The following OCA2 variants were observed in gnomAD, a reference collection of about 807,000 sequenced individuals.
The protein encoded by OCA2 is OCA2 melanosomal transmembrane protein.
OCA2 carries 77 observed loss-of-function variants against 100.2 expected under a neutral mutation model. The observed-to-expected ratio is 0.77, with a 90% confidence interval of 0.64 to 0.93. The LOEUF (loss-of-function observed/expected upper bound fraction) is 0.93. OCA2 is among the 40% of genes least tolerant of loss of function. OCA2 has a pLI of 0.00. For synonymous variants in OCA2, 432 were observed against 439.2 expected, an observed-to-expected ratio of 0.98 and a Z score of 0.21; for missense variants, 1,062 against 1,089.1, an observed-to-expected ratio of 0.98 and a Z score of 0.35.
chr15:27,965,627 C>G (rs2069555588), intron 15 of OCA2, among the ~76,000 whole-genome samples: 1 of 152,108 alleles, frequency 6.6e-6, no homozygotes, highest in South Asian at 2.1e-4. Context: ...AAACTGAGAT[C>G]CTGTAAAACA....
the OCA2 span, among the ~76,000 whole-genome samples, chr15:27,742,757 C>T: frequency 6.6e-6 from 1 of 152,114 alleles, no homozygotes; most frequent in African/African-American, 2.4e-5. Flanking sequence ...TGATAGAATC[C>T]GAAATGATGC....
intron 23 of OCA2, among the ~76,000 whole-genome samples, chr15:27,768,387 C>A (rs2031447450): frequency 6.6e-6 from 1 of 152,178 alleles, no homozygotes; most frequent in Admixed American, 6.5e-5. Context: ...CCTCTCCTGC[C>A]CCCACACCCA....
chr15:27,956,908 G>A (rs554680249), intron 16 of OCA2, among the ~76,000 whole-genome samples: 8 of 152,190 alleles, frequency 5.3e-5, no homozygotes, highest in African/African-American at 1.9e-4. Context: ...TCTAGATTTT[G>A]TTCATAAGGG....
chr15:27,845,663 C>A (rs1186187472), intron 22 of OCA2, among the ~76,000 whole-genome samples: 5 of 152,252 alleles, frequency 3.3e-5, no homozygotes, highest in East Asian at 3.9e-4. Context: ...CAACCCCCCA[C>A]ACACACTCAC....
At chr15:27,902,315 G>C (rs1280292323) in intron 19 of OCA2, among the ~76,000 whole-genome samples, 4 of 151,740 alleles carry the variant, frequency 2.6e-5, no homozygotes, top group African/African-American at 9.7e-5. Flanking sequence ...CCTAACTTTG[G>C]GAACACTAAG....
intron 2 of OCA2, among the ~76,000 whole-genome samples, chr15:28,057,726 C>T (rs2043745548): frequency 6.6e-6 from 1 of 152,252 alleles, no homozygotes; most frequent in Non-Finnish European, 1.5e-5. Flanking sequence ...ACAGCAAAGC[C>T]TCCTGGGCAC....
At chr15:27,793,719 G>T (rs1290956189) in intron 23 of OCA2, among the ~76,000 whole-genome samples, 1 of 152,212 alleles carries the variant, frequency 6.6e-6, no homozygotes, top group African/African-American at 2.4e-5. Context: ...GAGATAACAG[G>T]GTCTCTAGGA....
At chr15:28,092,246 G>T (rs1276534133) in intron 1 of OCA2, among the ~76,000 whole-genome samples, 1 of 152,148 alleles carries the variant, frequency 6.6e-6, no homozygotes, top group East Asian at 1.9e-4. Context: ...GGAGGGAAAT[G>T]AAGAACAAAT....
intron 18 of OCA2, among the ~76,000 whole-genome samples, chr15:27,932,997 G>A (rs2039310919): frequency 2.0e-5 from 3 of 151,982 alleles, no homozygotes; most frequent in Admixed American, 2.0e-4. Flanking sequence ...ACAGGCTAAT[G>A]GAATAGAATA....
chr15:27,790,787 AT>A (rs35991529), intron 23 of OCA2, among the ~76,000 whole-genome samples: 3,323 of 141,080 alleles, frequency 0.024, 68 homozygotes, highest in African/African-American at 0.056. Context: ...ATTACCCTGA[AT>A]TTTTTTTTTT....
At chr15:28,070,311 G>T (rs1263166796) in intron 2 of OCA2, among the ~76,000 whole-genome samples, 3 of 127,156 alleles carry the variant, frequency 2.4e-5, no homozygotes, top group Non-Finnish European at 4.9e-5. Flanking sequence ...GGAGGGAGGT[G>T]GGGGGGGGTC....
chr15:27,890,286 C>T (rs2037401759), intron 19 of OCA2, among the ~76,000 whole-genome samples: 1 of 152,104 alleles, frequency 6.6e-6, no homozygotes, highest in Non-Finnish European at 1.5e-5. Flanking sequence ...TAGAAAAGTA[C>T]AGTAAGGAAT....
At chr15:27,724,663 C>G in the OCA2 span, among the ~76,000 whole-genome samples, 7 of 152,164 alleles carry the variant, frequency 4.6e-5, no homozygotes, top group African/African-American at 1.7e-4. Context: ...CTAGAAACCT[C>G]CATCAGAGTC....
At chr15:28,082,240 C>A (rs1388530013) in intron 1 of OCA2, among the ~76,000 whole-genome samples, 1 of 152,132 alleles carries the variant, frequency 6.6e-6, no homozygotes, top group Non-Finnish European at 1.5e-5. Flanking sequence ...GTAAAATGGA[C>A]CAATCAGCAG....
At chr15:27,826,109 C>A (rs1208192479) in intron 23 of OCA2, among the ~76,000 whole-genome samples, 1 of 152,194 alleles carries the variant, frequency 6.6e-6, no homozygotes, top group Non-Finnish European at 1.5e-5. Context: ...CCATAGGAAA[C>A]TGGGCTACAG....
At chr15:27,925,784 AGATC>A (rs1051901034) in intron 19 of OCA2, among the ~76,000 whole-genome samples, 1 of 152,242 alleles carries the variant, frequency 6.6e-6, no homozygotes, top group African/African-American at 2.4e-5. Flanking sequence ...AAAATGAAAC[AGATC>A]ATCAAGGTCA....
At chr15:27,983,285 A>G in intron 14 of OCA2, 60 bp downstream of exon 14, 1 of 1,604,702 alleles carries the variant, frequency 6.2e-7, no homozygotes, top group Non-Finnish European at 8.5e-7. Context: ...TGTGGGGTAG[A>G]GCTCTAACTA....
In OCA2 at chr15:28,053,856, C is replaced by T. The variant is rs184867183; in HGVS notation, c.228-21693G>A. Among the ~76,000 whole-genome samples the T allele has an allele frequency of 4.5e-4, 69 of 152,306 alleles. No individual in the cohort carries two copies. In the East Asian group the frequency reaches 9.5e-3, roughly 21 times the overall value. ...GACCAATACCTGGCAAAAGTGGTAG[C>T]CCACTGAGCTCAGGTCATCTGCTCC... On this transcript the variant is annotated intron_variant, in intron 2 of 23. Coordinates refer to ENST00000354638, the MANE Select transcript of OCA2 (RefSeq NM_000275.3).
chr15:27,720,876 A>G, the OCA2 span, among the ~76,000 whole-genome samples: 5 of 152,192 alleles, frequency 3.3e-5, no homozygotes, highest in Admixed American at 1.3e-4. Flanking sequence ...CAACCTGTAC[A>G]TACCATATTT....
Sources: allele counts gnomAD v4.1 joint callset (sites outside exome capture counted in the v4.1 genomes callset), GRCh38; gene constraint gnomAD v4.1.1; transcripts MANE v1.5; gene names NCBI Gene and HGNC (gene_info 2026-07-23, HGNC 2026-07-21).